The following KLHL13 variants were observed in gnomAD, a reference collection of about 807,000 sequenced individuals.
KLHL13 encodes kelch-like protein 13.
A neutral mutation model predicts 37.1 loss-of-function variants in KLHL13; 10 were observed. The ratio of observed to expected loss-of-function variants is 0.27; its 90% CI spans 0.17 to 0.46. The LOEUF (loss-of-function observed/expected upper bound fraction) is 0.46, where lower values mean the gene tolerates loss of function less well. Ranked by LOEUF, KLHL13 falls within the 20% of genes least tolerant of loss-of-function variation. The pLI, the probability that KLHL13 is intolerant of heterozygous loss-of-function variation, is 1.00. For synonymous variants in KLHL13, 163 were observed against 181.2 expected (o/e 0.90, Z 0.81); for missense variants, 360 against 509.3 (o/e 0.71, Z 2.82).
chrX:117,979,349 G>C (rs1166067437), intron 1 of KLHL13, among the ~76,000 whole-genome samples: 4 of 111,464 alleles, frequency 3.6e-5, no homozygotes, highest in Non-Finnish European at 5.6e-5. Context: ...CATCAGTAGG[G>C]GTAACATATC....
At chrX:118,087,653 A>C (rs1011077591) in intron 1 of KLHL13, among the ~76,000 whole-genome samples, 3 of 111,489 alleles carry the variant, frequency 2.7e-5, no homozygotes, top group Non-Finnish European at 5.7e-5. Flanking sequence ...TACAGTTTAA[A>C]TGCTTAAAGA....
At chrX:117,930,242 GAGGA>G (rs757311737) in intron 2 of KLHL13, among the ~76,000 whole-genome samples, 6,573 of 62,854 alleles carry the variant, frequency 0.1, 337 homozygotes, top group Admixed American at 0.13. Context: ...GGAAGGAAGG[GAGGA>G]AGGAAGGAAG....
intron 2 of KLHL13, among the ~76,000 whole-genome samples, chrX:117,930,248 GGAAGGA>G (rs1569418527): frequency 2.6e-5 from 2 of 76,371 alleles, no homozygotes; most frequent in African/African-American, 1.1e-4. Flanking sequence ...AAGGGAGGAA[GGAAGGA>G]AGGAAGGAAG....
At chrX:117,959,812 G>GA (rs1257710746) in intron 1 of KLHL13, among the ~76,000 whole-genome samples, 2 of 111,638 alleles carry the variant, frequency 1.8e-5, no homozygotes, top group Non-Finnish European at 3.8e-5. Context: ...AAAAAAAAGT[G>GA]AAAATAAAAG....
chrX:118,010,485 C>T (rs1463464407), intron 1 of KLHL13, among the ~76,000 whole-genome samples: 1 of 68,854 alleles, frequency 1.5e-5, no homozygotes, highest in African/African-American at 5.5e-5. Flanking sequence ...TAAACTATCG[C>T]AAGAACAAAA....
intron 1 of KLHL13, among the ~76,000 whole-genome samples, chrX:118,020,100 C>T (rs778364536): frequency 5.4e-5 from 6 of 110,348 alleles, no homozygotes; most frequent in East Asian, 5.7e-4. Flanking sequence ...GTCATTTTCA[C>T]GATATTGATT....
intron 1 of KLHL13, among the ~76,000 whole-genome samples, chrX:118,010,739 AT>A (rs2054056069): frequency 9.2e-6 from 1 of 108,413 alleles, no homozygotes; most frequent in African/African-American, 3.4e-5. Context: ...TTAAAATATA[AT>A]TTAAAAAAAA....
chrX:117,990,625 A>G (rs1027042089), intron 1 of KLHL13, among the ~76,000 whole-genome samples: 1 of 111,784 alleles, frequency 8.9e-6, no homozygotes, highest in Non-Finnish European at 1.9e-5. Context: ...TACATGGAGC[A>G]AAAAAATGAA....
intron 1 of KLHL13, among the ~76,000 whole-genome samples, chrX:118,007,870 G>T (rs2054004867): frequency 9.0e-6 from 1 of 111,587 alleles, no homozygotes; most frequent in Admixed American, 9.5e-5. Context: ...CCAAAGACAG[G>T]CATGGAAACT....
At chrX:118,116,582 GC>G (rs2055472839) in exon 1 of KLHL13, 1 of 112,158 alleles carries the variant, frequency 8.9e-6, no homozygotes, top group Non-Finnish European at 1.9e-5. Context: ...AGGGAGTCGC[GC>G]GGCGCAGCCG....
intron 1 of KLHL13, among the ~76,000 whole-genome samples, chrX:118,049,138 C>T (rs774437566): frequency 3.8e-4 from 42 of 111,797 alleles, no homozygotes; most frequent in Middle Eastern, 4.7e-3. Flanking sequence ...CAATTTCACA[C>T]TACATAAGGT....
At chrX:117,970,489 C>A (rs759664457) in intron 1 of KLHL13, among the ~76,000 whole-genome samples, 30 of 111,426 alleles carry the variant, frequency 2.7e-4, no homozygotes, top group Non-Finnish European at 5.3e-4. Flanking sequence ...CTATGTTTGC[C>A]AGCCAAACAA....
intron 1 of KLHL13, among the ~76,000 whole-genome samples, chrX:117,986,061 T>C (rs1290694263): frequency 9.0e-6 from 1 of 111,607 alleles, no homozygotes; most frequent in Non-Finnish European, 1.9e-5. Context: ...TTGGGTGGTG[T>C]GGATGTAAAG....
In KLHL13 at chrX:118,105,132, CAG is replaced by C. The variant is rs2055332446; in HGVS notation, c.-56+11374_-56+11375del. 2.7e-5 allele frequency among the ~76,000 whole-genome samples: 3 copies of C among 112,552 alleles called. No homozygotes were observed. The Admixed American group carries it at 2.8e-4, about 11-fold the overall frequency. On this transcript the variant is annotated intron_variant, in intron 1 of 6. Coordinates refer to the KLHL13 transcript ENST00000371882. ...ACATAGCTTTGAGCATTGAAATATT[CAG>C]AAATACGTTCCTTGCTTTTCAATAA...
intron 1 of KLHL13, 90 bp from the exon 3 acceptor site, chrX:117,945,665 G>A (rs1933286935): frequency 2.7e-6 from 2 of 735,858 alleles, no homozygotes; most frequent in Non-Finnish European, 4.0e-6. Context: ...AGTCACTATT[G>A]CAATCATATG....
intron 1 of KLHL13, among the ~76,000 whole-genome samples, chrX:118,093,288 TAACA>T (rs2055160757): frequency 8.9e-6 from 1 of 112,140 alleles, no homozygotes; most frequent in South Asian, 3.7e-4. Flanking sequence ...AAATAATAAC[TAACA>T]TTTATTAAAT....
At chrX:118,082,476 G>A (rs1464544931) in intron 1 of KLHL13, among the ~76,000 whole-genome samples, 1 of 110,972 alleles carries the variant, frequency 9.0e-6, no homozygotes, top group African/African-American at 3.3e-5. Flanking sequence ...TTGCTATTGA[G>A]TTGAGTTCCT....
intron 2 of KLHL13, among the ~76,000 whole-genome samples, chrX:117,933,359 G>C (rs186873140): frequency 9.0e-6 from 1 of 111,135 alleles, no homozygotes; most frequent in African/African-American, 3.3e-5. Context: ...ATAAATCCAT[G>C]TATTTACAGC....
chrX:118,058,288 C>G (rs547442950), intron 1 of KLHL13, among the ~76,000 whole-genome samples: 2 of 110,944 alleles, frequency 1.8e-5, no homozygotes, highest in East Asian at 2.9e-4. Context: ...AATCCCTTCC[C>G]CTACTCCCCC....
Sources: gnomAD v4.1 joint callset for allele counts (sites outside exome capture counted in the v4.1 genomes callset) on GRCh38, gnomAD v4.1.1 for gene constraint, MANE v1.5 for transcripts, NCBI Gene and HGNC (gene_info 2026-07-23, HGNC 2026-07-21) for gene names.